The following ACACA variants were observed in gnomAD, a reference collection of about 807,000 sequenced individuals.
The protein encoded by ACACA is acetyl-CoA carboxylase 1.
ACACA carries 103 observed loss-of-function variants against 296.1 expected under a neutral mutation model. The observed-to-expected ratio is 0.35, with a 90% CI of 0.30 to 0.41. The LOEUF is 0.41. ACACA is among the 10% of genes least tolerant of loss of function. The pLI is 1.00. For missense variants in ACACA, 1,554 were observed against 2,989.7 expected (o/e 0.52, Z 11.20); for synonymous variants, 953 against 1,038.6 (o/e 0.92, Z 1.58).
At chr17:37,214,990 G>C (rs764070226) in intron 29 of ACACA, among the ~76,000 whole-genome samples, 2 of 152,132 alleles carry the variant, frequency 1.3e-5, no homozygotes, top group Non-Finnish European at 2.9e-5. Context: ...CACATGGAAG[G>C]CTCCTGATTT....
rs569489650 is a variant in ACACA, at chr17:37,242,149, A to C, written c.2932-96T>G. On this transcript the variant is annotated intron_variant, in intron 22 of 55. Transcript: ENST00000616317. ...CACGACCAGTAGGAATCTTCTTCTT[A>C]TAACATGGCAGTTCCTATCTCACAT... The C allele has an allele frequency of 1.6e-4, 147 of 924,770 alleles. 3 individuals are homozygous for C. In the South Asian group the frequency reaches 1.9e-3, roughly 12 times the overall value. The allele number at this position is 924,770 out of a possible 1,614,324, so 57.3% of individuals were successfully genotyped here. A position where few individuals can be genotyped will look rare whatever the true frequency, so the allele number is the denominator to read the frequency against.
At chr17:37,264,452 G>A (rs188241749) in intron 10 of ACACA, among the ~76,000 whole-genome samples, 31 of 152,184 alleles carry the variant, frequency 2.0e-4, no homozygotes, top group African/African-American at 7.2e-4. Context: ...CAATCTTATT[G>A]TTACTATTTT....
At position 37,217,760 on chromosome 17, in the gene ACACA, AAAAAC is replaced by A. The variant is rs1555601625; in HGVS notation, c.3683+3959_3683+3963del. On this transcript the variant is annotated intron_variant, in intron 29 of 55. Transcript: ENST00000616317. ...AAAAAAAAAAAAAAAAAAAAAAAAA[AAAAAC>A]AACCTGTTTTCTCCCCCAATAATTT... Among the ~76,000 whole-genome samples the A allele has an allele frequency of 5.5e-3, 731 of 133,160 alleles. 27 individuals carry two copies. The highest frequency in any genetic ancestry group is 0.024 in the African/African-American group (693 of 28,492). The allele number at this position is 133,160 out of a possible 152,430, so 87.4% of individuals were successfully genotyped here. A position where few individuals can be genotyped will look rare whatever the true frequency, so the allele number is the denominator to read the frequency against.
chr17:37,380,911 T>A (rs1229093623), intron 1 of ACACA, among the ~76,000 whole-genome samples: 11 of 151,742 alleles, frequency 7.2e-5, no homozygotes, highest in South Asian at 4.2e-4. Context: ...TTTTTTTTTT[T>A]TAATTTCATT....
chr17:37,124,511 G>T (rs2074681597), intron 48 of ACACA, among the ~76,000 whole-genome samples: 1 of 152,164 alleles, frequency 6.6e-6, no homozygotes, highest in African/African-American at 2.4e-5. Context: ...AAAAAAGTTG[G>T]TCTTAGTGTG....
chr17:37,218,241 A>T (rs1280571281), intron 29 of ACACA, among the ~76,000 whole-genome samples: 2 of 151,962 alleles, frequency 1.3e-5, no homozygotes, highest in Admixed American at 6.6e-5. Context: ...CATTAGCCAC[A>T]TGCAGCTAGG....
intron 16 of ACACA, among the ~76,000 whole-genome samples, chr17:37,249,745 T>C (rs1037249399): frequency 6.6e-6 from 1 of 151,424 alleles, no homozygotes; most frequent in African/African-American, 2.4e-5. Flanking sequence ...ACCATTTGAG[T>C]TTTAAAAAAC....
At chr17:37,148,761 G>A (rs1329704840) in intron 45 of ACACA, among the ~76,000 whole-genome samples, 1 of 151,918 alleles carries the variant, frequency 6.6e-6, no homozygotes, top group Non-Finnish European at 1.5e-5. Context: ...AAGAGATGGG[G>A]TCTTACTATG....
Position 37,143,207 on chromosome 17 carries a change from C to CTT in ACACA, c.5679+6655_5679+6656dup, listed in dbSNP as rs36093883. Reference sequence around the variant, plus strand: ...TCTAGCCTCTCCATGCTCATAACATCTTTTTTTTTTTTTTAACTAATAAAA... The same window carrying CTT: ...TCTAGCCTCTCCATGCTCATAACATCTTTTTTTTTTTTTTTTAACTAATAAAA... On this transcript the variant is annotated intron_variant, in intron 45 of 55. Coordinates refer to ENST00000616317, the MANE Select transcript of ACACA (RefSeq NM_198834.3). Among the ~76,000 whole-genome samples, 325 of 142,200 alleles carry CTT rather than the reference C, an allele frequency of 2.3e-3. 1 individual carries two copies. The highest frequency in any genetic ancestry group is 7.1e-3 in the African/African-American group (279 of 39,114). The allele number at this position is 142,200 out of a possible 152,430, so 93.3% of individuals were successfully genotyped here.
Position 37,247,125 on chromosome 17 carries a change from G to A in ACACA, c.2310-149C>T, listed in dbSNP as rs1223560025. On this transcript the variant is annotated intron_variant, in intron 18 of 55. Coordinates refer to ENST00000616317, the MANE Select transcript of ACACA (RefSeq NM_198834.3). ...TATTCACTGCATATTTGTTTACAAT[G>A]TCAATTAACATAAATTTCCTTCAAT... is the stretch of plus-strand genomic sequence containing the variant. The A allele has an allele frequency of 1.4e-5, 12 of 868,932 alleles. No individual in the cohort carries two copies. In the South Asian group the frequency reaches 1.6e-4, roughly 12 times the overall value. 53.8% of individuals were successfully genotyped at this position (868,932 alleles called of 1,614,324 possible).
At chr17:37,119,766 T>C (rs900512270) in intron 50 of ACACA, among the ~76,000 whole-genome samples, 7 of 152,182 alleles carry the variant, frequency 4.6e-5, no homozygotes, top group Non-Finnish European at 7.4e-5. Context: ...ATCTGGTAGT[T>C]TCCCCAGGCA....
intron 2 of ACACA, among the ~76,000 whole-genome samples, chr17:37,330,945 C>G (rs1272752931): frequency 1.3e-5 from 2 of 152,120 alleles, no homozygotes; most frequent in African/African-American, 4.8e-5. Context: ...GGGTCTCACT[C>G]TGTCACCCAT....
At chr17:37,254,285 A>G (rs189049858) in intron 14 of ACACA, among the ~76,000 whole-genome samples, 23 of 152,318 alleles carry the variant, frequency 1.5e-4, no homozygotes, top group African/African-American at 5.3e-4. Context: ...GACATGGGCT[A>G]AAGTATAGCT....
chr17:37,137,212 TA>T (rs111295569), intron 45 of ACACA, among the ~76,000 whole-genome samples: 4,955 of 152,228 alleles, frequency 0.033, 224 homozygotes, highest in African/African-American at 0.1. Context: ...GGAAAACTTT[TA>T]AAAAAATCCC....
At chr17:37,282,770 T>C (rs2082600663) in intron 5 of ACACA, among the ~76,000 whole-genome samples, 1 of 152,100 alleles carries the variant, frequency 6.6e-6, no homozygotes, top group African/African-American at 2.4e-5. Flanking sequence ...TCTACAACTA[T>C]CAGACAGAGA....
intron 3 of ACACA, among the ~76,000 whole-genome samples, chr17:37,306,037 C>A (rs778354384): frequency 3.3e-5 from 5 of 151,170 alleles, no homozygotes; most frequent in Non-Finnish European, 7.4e-5. Context: ...GCCTCCCGAG[C>A]AGCCGGGACT....
intron 33 of ACACA, among the ~76,000 whole-genome samples, chr17:37,201,029 A>G (rs2078222222): frequency 6.6e-6 from 1 of 152,206 alleles, no homozygotes; most frequent in Non-Finnish European, 1.5e-5. Flanking sequence ...CTTACCTTAC[A>G]TGAAGGCATT....
rs2072246652 is a variant in ACACA, at chr17:37,086,989, G to A, written c.*327C>T. ...GGAGGCCAAGGGGCTGTCAGGACAG[G>A]AGGGGCAGCCCTACTTTGGTTAGTA... is the stretch of plus-strand genomic sequence containing the variant. On this transcript the variant is annotated 3_prime_UTR_variant, in exon 56 of 56. Transcript: ENST00000616317. The A allele has an allele frequency of 9.9e-6, 4 of 405,532 alleles. No homozygotes were observed. The Admixed American group carries it at 1.1e-4, about 11-fold the overall frequency. 25.1% of individuals were successfully genotyped at this position (405,532 alleles called of 1,614,324 possible).
chr17:37,281,901 T>C (rs906422351), intron 5 of ACACA, among the ~76,000 whole-genome samples: 1 of 152,176 alleles, frequency 6.6e-6, no homozygotes, highest in African/African-American at 2.4e-5. Context: ...AGTTAATCTG[T>C]ATTTATTATA....
Sources: allele counts gnomAD v4.1 joint callset (sites outside exome capture counted in the v4.1 genomes callset), GRCh38; gene constraint gnomAD v4.1.1; transcripts MANE v1.5; gene names NCBI Gene and HGNC (gene_info 2026-07-23, HGNC 2026-07-21).